Variants in ZBTB10 observed in about 807,000 individuals in gnomAD.
The protein encoded by ZBTB10 is zinc finger and BTB domain-containing protein 10.
In ZBTB10, 32 loss-of-function variants were observed where a neutral mutation model predicts 76.4. The observed-to-expected ratio is 0.42, with a 90% CI of 0.32 to 0.56. The LOEUF is 0.56. Among genes scored for constraint, ZBTB10 ranks in the 20% least tolerant of loss-of-function variants. The pLI is 0.14. For missense variants in ZBTB10, 1,057 were observed against 1,098.5 expected (o/e 0.96, Z 0.53); for synonymous variants, 523 against 432.9 (o/e 1.21, Z -2.58).
chr8:80,490,724 G>A (rs1815607319), intron 1 of ZBTB10, among the ~76,000 whole-genome samples: 1 of 152,144 alleles, frequency 6.6e-6, no homozygotes, highest in Non-Finnish European at 1.5e-5. Context: ...CTTTAGGCAA[G>A]AAATCACTTT....
rs1354685156 is a variant in ZBTB10 at position 80,486,583 on chromosome 8, G to C, written c.-228G>C. ...CGGGGCGGGGGTGGAGGACGAGAGA[G>C]CGGTCGGAGGCGTCGGCCCGGCAGC... On this transcript the variant is annotated 5_prime_UTR_variant, in exon 1 of 6. Transcript: ENST00000455036. 6 of 986,698 alleles carry C rather than the reference G, an allele frequency of 6.1e-6. No individual in the cohort carries two copies. Among genetic ancestry groups the C allele is most frequent in the African/African-American group, 1.7e-5 (1 of 57,216 alleles). The allele number at this position is 986,698 out of a possible 1,614,324, so 61.1% of individuals were successfully genotyped here. A position where few individuals can be genotyped will look rare whatever the true frequency, so the allele number is the denominator to read the frequency against.
At chr8:80,498,424 A>G (rs1448576896) in intron 1 of ZBTB10, among the ~76,000 whole-genome samples, 3 of 152,208 alleles carry the variant, frequency 2.0e-5, no homozygotes, top group African/African-American at 7.2e-5. Flanking sequence ...CAGTATTTTC[A>G]GTTATCTTTT....
chr8:80,506,610 G>C (rs1816062887), intron 2 of ZBTB10, among the ~76,000 whole-genome samples: 1 of 139,998 alleles, frequency 7.1e-6, no homozygotes, highest in Admixed American at 7.8e-5. Flanking sequence ...TGGGATTGCA[G>C]GCGTGAGCCA....
At chr8:80,514,712 G>C (rs992040331) in intron 3 of ZBTB10, among the ~76,000 whole-genome samples, 13 of 152,162 alleles carry the variant, frequency 8.5e-5, no homozygotes, top group Non-Finnish European at 1.8e-4. Context: ...TTGCAAAGGG[G>C]AAAAGGTAAA....
chr8:80,514,018 G>C lies in ZBTB10; in HGVS notation c.1960+10G>C. 1 of 1,610,816 alleles carries C rather than the reference G, an allele frequency of 6.2e-7. No homozygotes were observed. The highest frequency in any genetic ancestry group is 1.1e-5 in the South Asian group (1 of 90,594). Reference sequence around the variant, plus strand: ...GATGGAGGTGATGCTGGTAGGTACAGTAAGATTTTAGCAACAGTACATTTA... The same window carrying C: ...GATGGAGGTGATGCTGGTAGGTACACTAAGATTTTAGCAACAGTACATTTA... On this transcript the variant is annotated intron_variant, in intron 3 of 5. Coordinates refer to ENST00000455036, the MANE Select transcript of ZBTB10 (RefSeq NM_001105539.3).
In ZBTB10 at chr8:80,486,518, C is replaced by T. The variant is rs2131464732; in HGVS notation, c.-293C>T. 1 of 985,776 alleles carries T rather than the reference C, an allele frequency of 1.0e-6. No individual in the cohort carries two copies. The allele number at this position is 985,776 out of a possible 1,614,324, so 61.1% of individuals were successfully genotyped here. A position where few individuals can be genotyped will look rare whatever the true frequency, so the allele number is the denominator to read the frequency against. ...AGGCTCGCTCCTCACCTCTCCGCCGCCCGCCCCCTTCTCCGCGCGGGACGC... is the reference window on the plus strand; with the variant it reads ...AGGCTCGCTCCTCACCTCTCCGCCGTCCGCCCCCTTCTCCGCGCGGGACGC... On this transcript the variant is annotated 5_prime_UTR_variant, in exon 1 of 6. Transcript: ENST00000455036.
In ZBTB10 at chr8:80,486,462, G is replaced by A. The variant is rs918772725; in HGVS notation, c.-349G>A. ...GCAGCGGAGGGTCTCCCCGCACTCC[G>A]CTGCTCAACTTCGAAGGCCTCGCTC... On this transcript the variant is annotated 5_prime_UTR_variant, in exon 1 of 6. Coordinates refer to ENST00000455036, the MANE Select transcript of ZBTB10 (RefSeq NM_001105539.3). 3 of 985,000 alleles carry A rather than the reference G, an allele frequency of 3.0e-6. No individual in the cohort carries two copies. In the African/African-American group the frequency reaches 5.2e-5, roughly 17 times the overall value. 61.0% of individuals were successfully genotyped at this position (985,000 alleles called of 1,614,324 possible). A position where few individuals can be genotyped will look rare whatever the true frequency, so the allele number is the denominator to read the frequency against.
Position 80,495,135 on chromosome 8 carries a change from CT to C in ZBTB10, c.973-4344del, listed in dbSNP as rs368299745. On this transcript the variant is annotated intron_variant, in intron 1 of 5. Coordinates refer to ENST00000455036, the MANE Select transcript of ZBTB10 (RefSeq NM_001105539.3). ...GAAGGGGATTCAAATCTCTCTCTCT[CT>C]TTTTTTTTTTTTTTAAGGAGATAGG... Among the ~76,000 whole-genome samples, 344 of 140,436 alleles carry C rather than the reference CT, an allele frequency of 2.4e-3. 1 individual carries two copies. Among genetic ancestry groups the C allele is most frequent in the East Asian group, 0.01 (50 of 4,812 alleles). The allele number at this position is 140,436 out of a possible 152,430, so 92.1% of individuals were successfully genotyped here.
At chr8:80,504,365 C>T (rs1382389282) in intron 2 of ZBTB10, among the ~76,000 whole-genome samples, 1 of 152,178 alleles carries the variant, frequency 6.6e-6, no homozygotes, top group Non-Finnish European at 1.5e-5. Context: ...TGTCTTCCCT[C>T]AGGTCTTCAG....
Position 80,487,366 on chromosome 8 carries a change from G to A in ZBTB10, c.556G>A (p.Asp186Asn), listed in dbSNP as rs746930016. Reference protein sequence around the residue: ...DGASLSDSTEDEEEGASLGDG... With the variant: ...DGASLSDSTENEEEGASLGDG... ...CGCGTCCCTGAGCGACAGCACCGAG[G>A]ACGAGGAGGAGGGGGCGAGCCTGGG... Residue 186 changes from aspartate (D) to asparagine (N), a missense_variant, in exon 1 of 6, where the codon GAC becomes AAC. By Grantham distance (23) the Asp-to-Asn change is conservative. Around this residue, in one of 5 missense-constraint regions of ZBTB10, gnomAD observed 556 missense variants for 451.7 expected, o/e 1.23. Coordinates refer to ENST00000455036, the MANE Select transcript of ZBTB10 (RefSeq NM_001105539.3). 1 of 1,528,888 alleles carries A rather than the reference G, an allele frequency of 6.5e-7. No homozygotes were observed. 94.7% of individuals were successfully genotyped at this position (1,528,888 alleles called of 1,614,324 possible). A position where few individuals can be genotyped will look rare whatever the true frequency, so the allele number is the denominator to read the frequency against.
At chr8:80,493,207 G>T (rs2555229) in intron 1 of ZBTB10, among the ~76,000 whole-genome samples, 1 of 125,244 alleles carries the variant, frequency 8.0e-6, no homozygotes, top group Non-Finnish European at 1.7e-5. Flanking sequence ...GCGCGCGCGC[G>T]CACACACACA....
chr8:80,490,033 GCAAT>G (rs958751386), intron 1 of ZBTB10, among the ~76,000 whole-genome samples: 1 of 152,196 alleles, frequency 6.6e-6, no homozygotes, highest in African/African-American at 2.4e-5. Context: ...TGGGCAGAGT[GCAAT>G]CATTTTGTTT....
In ZBTB10 at chr8:80,523,564, A is replaced by T. The variant is rs1032437549; in HGVS notation, c.*4036A>T. 1 of 151,668 alleles carries T rather than the reference A, an allele frequency of 6.6e-6. No individual in the cohort carries two copies. The highest frequency in any genetic ancestry group is 2.4e-5 in the African/African-American group (1 of 41,366). The allele number at this position is 151,668 out of a possible 1,614,324, so 9.4% of individuals were successfully genotyped here. A position where few individuals can be genotyped will look rare whatever the true frequency, so the allele number is the denominator to read the frequency against. ...CTTAAACTTAACTATGGTACATAAT[A>T]TCCACACTTAGAACTAACAGGTGTT... On this transcript the variant is annotated 3_prime_UTR_variant, in exon 6 of 6. Transcript: ENST00000455036.
chr8:80,485,951 C>T, upstream of ZBTB10: 1 of 1,466,676 alleles, frequency 6.8e-7, no homozygotes. Flanking sequence ...CCGCGTAGCC[C>T]GGCCCCGGCC....
intron 2 of ZBTB10, among the ~76,000 whole-genome samples, chr8:80,503,557 ACCAAGGC>A (rs1815977965): frequency 6.6e-6 from 1 of 151,990 alleles, no homozygotes; most frequent in Non-Finnish European, 1.5e-5. Context: ...TCCCTGTGTC[ACCAAGGC>A]TGGAGTGCAG....
In ZBTB10 at chr8:80,519,730, G is replaced by A; in HGVS notation, c.*202G>A. On this transcript the variant is annotated 3_prime_UTR_variant, in exon 6 of 6. Coordinates refer to ENST00000455036, the MANE Select transcript of ZBTB10 (RefSeq NM_001105539.3). ...GGACTATACAGCAAACAACCATGTGGTTGGATTACATGGAGTCCCCACATA... is the reference window on the plus strand; with the variant it reads ...GGACTATACAGCAAACAACCATGTGATTGGATTACATGGAGTCCCCACATA... 2.0e-6 allele frequency: 1 copy of A among 502,764 alleles called. No individual in the cohort carries two copies. The highest frequency in any genetic ancestry group is 3.0e-5 in the East Asian group (1 of 33,134). 31.1% of individuals were successfully genotyped at this position (502,764 alleles called of 1,614,324 possible). A position where few individuals can be genotyped will look rare whatever the true frequency, so the allele number is the denominator to read the frequency against.
chr8:80,501,808 A>G, intron 2 of ZBTB10, among the ~76,000 whole-genome samples: 2 of 152,340 alleles, frequency 1.3e-5, no homozygotes, highest in East Asian at 3.9e-4. Context: ...ATTTAGTTAA[A>G]TGAAGTATTA....
chr8:80,504,348 G>A (rs1310732503), intron 2 of ZBTB10, among the ~76,000 whole-genome samples: 3 of 152,184 alleles, frequency 2.0e-5, no homozygotes, highest in Non-Finnish European at 4.4e-5. Context: ...GTCTCTTCTA[G>A]TTACTGTGTC....
intron 1 of ZBTB10, 81 bp downstream of exon 1, chr8:80,487,863 C>A (rs1563454977): frequency 2.8e-6 from 4 of 1,439,998 alleles, no homozygotes; most frequent in Non-Finnish European, 3.7e-6. Context: ...CACCCACCCC[C>A]GAAAAAAAAC....
Sources: allele counts gnomAD v4.1 joint callset (sites outside exome capture counted in the v4.1 genomes callset), GRCh38; gene constraint gnomAD v4.1.1; regional missense constraint gnomAD v4.1.1; transcripts MANE v1.5; gene names NCBI Gene and HGNC (gene_info 2026-07-23, HGNC 2026-07-21).